Variants in THEMIS observed in about 807,000 individuals in gnomAD.
THEMIS encodes the protein thymocyte selection associated.
Under a neutral mutation model 52.6 loss-of-function variants are expected in THEMIS, and 37 were observed. The observed-to-expected ratio is 0.70, with a 90% CI of 0.54 to 0.93. THEMIS has a LOEUF of 0.93. Ranked by LOEUF, THEMIS falls within the 40% of genes least tolerant of loss-of-function variation. The pLI is 0.00. For missense variants in THEMIS, 808 were observed against 763.1 expected, an observed-to-expected ratio of 1.06 and a Z score of -0.69; for synonymous variants, 292 against 272.7, an observed-to-expected ratio of 1.07 and a Z score of -0.70.
chr6:127,732,495 A>G (rs1774847687), intron 4 of THEMIS, among the ~76,000 whole-genome samples: 1 of 152,232 alleles, frequency 6.6e-6, no homozygotes, highest in Non-Finnish European at 1.5e-5. Context: ...CATTACCCAG[A>G]TCTGGAAATA....
chr6:127,804,456 T>C (rs1156437349), intron 4 of THEMIS, among the ~76,000 whole-genome samples: 7 of 152,126 alleles, frequency 4.6e-5, no homozygotes, highest in Non-Finnish European at 1.0e-4. Flanking sequence ...TGGAGCAATG[T>C]GGAAGATTAA....
At chr6:127,875,791 T>G (rs1374373724) in intron 1 of THEMIS, among the ~76,000 whole-genome samples, 16 of 152,276 alleles carry the variant, frequency 1.1e-4, no homozygotes. Flanking sequence ...TTTCAGAGCT[T>G]TGGTAATTTG....
intron 1 of THEMIS, among the ~76,000 whole-genome samples, chr6:127,862,761 G>A (rs542353021): frequency 1.3e-5 from 2 of 151,894 alleles, no homozygotes; most frequent in Admixed American, 6.6e-5. Flanking sequence ...ATAACATACC[G>A]AGTAGTCTCC....
At chr6:127,799,169 A>G (rs1471980134) in intron 4 of THEMIS, among the ~76,000 whole-genome samples, 1 of 152,232 alleles carries the variant, frequency 6.6e-6, no homozygotes, top group Non-Finnish European at 1.5e-5. Flanking sequence ...TATTGAAAAG[A>G]AAGCCACAAC....
chr6:127,879,526 CTTTA>C (rs1780413091), intron 1 of THEMIS, among the ~76,000 whole-genome samples: 1 of 148,420 alleles, frequency 6.7e-6, no homozygotes, highest in African/African-American at 2.5e-5. Flanking sequence ...TTATTCTTCT[CTTTA>C]TTGATAATGG....
At chr6:127,851,875 A>C (rs1467807364) in intron 2 of THEMIS, among the ~76,000 whole-genome samples, 1 of 151,656 alleles carries the variant, frequency 6.6e-6, no homozygotes, top group African/African-American at 2.4e-5. Context: ...AACCTACCTT[A>C]AATGTGCTCA....
At chr6:127,808,259 T>A (rs76781569) in intron 4 of THEMIS, among the ~76,000 whole-genome samples, 3,286 of 152,288 alleles carry the variant, frequency 0.022, 136 homozygotes, top group African/African-American at 0.075. Flanking sequence ...AATACAGAAG[T>A]TGCATTTCTC....
chr6:127,877,836 A>G (rs1254499488), intron 1 of THEMIS, among the ~76,000 whole-genome samples: 3 of 152,222 alleles, frequency 2.0e-5, no homozygotes, highest in Middle Eastern at 3.2e-3. Context: ...GTGTGCCACA[A>G]TCCTTCAATT....
chr6:127,812,591 T>C (rs538296742), intron 4 of THEMIS, among the ~76,000 whole-genome samples: 4 of 152,208 alleles, frequency 2.6e-5, no homozygotes, highest in South Asian at 4.1e-4. Context: ...AGGCACTTTA[T>C]AAAATATTCT....
intron 1 of THEMIS, among the ~76,000 whole-genome samples, chr6:127,889,596 C>G (rs547700659): frequency 1.8e-4 from 28 of 152,034 alleles, no homozygotes; most frequent in South Asian, 1.2e-3. Flanking sequence ...CCACATAAAA[C>G]AAATAAGAAA....
intron 2 of THEMIS, among the ~76,000 whole-genome samples, chr6:127,830,728 A>G (rs1330902984): frequency 6.6e-6 from 1 of 152,098 alleles, no homozygotes; most frequent in African/African-American, 2.4e-5. Context: ...TAAAAGCTAT[A>G]TAGCTTGGAC....
At chr6:127,875,005 C>G (rs543418694) in intron 1 of THEMIS, among the ~76,000 whole-genome samples, 109 of 152,312 alleles carry the variant, frequency 7.2e-4, no homozygotes, top group African/African-American at 2.5e-3. Flanking sequence ...AGCAGAAACC[C>G]TATTGTGAAC....
chr6:127,806,634 T>C (rs1230530174), intron 4 of THEMIS, among the ~76,000 whole-genome samples: 1 of 152,206 alleles, frequency 6.6e-6, no homozygotes, highest in Admixed American at 6.5e-5. Flanking sequence ...TTCTTGAAAT[T>C]TCCCTAAAAT....
chr6:127,913,630 G>T (rs1164482559), intron 1 of THEMIS, among the ~76,000 whole-genome samples: 2 of 152,200 alleles, frequency 1.3e-5, no homozygotes, highest in Non-Finnish European at 2.9e-5. Flanking sequence ...ATGTTAGAGT[G>T]TTTGTCTCAC....
intron 1 of THEMIS, among the ~76,000 whole-genome samples, chr6:127,877,975 C>T (rs1267181835): frequency 6.6e-6 from 1 of 152,164 alleles, no homozygotes; most frequent in East Asian, 1.9e-4. Flanking sequence ...ATTTGAGATA[C>T]ACTAATCAGA....
At chr6:127,880,961 T>C (rs1297894877) in intron 1 of THEMIS, among the ~76,000 whole-genome samples, 1 of 152,266 alleles carries the variant, frequency 6.6e-6, no homozygotes, top group Admixed American at 6.5e-5. Context: ...AAAGACGCGA[T>C]GATTCCAAGT....
intron 1 of THEMIS, among the ~76,000 whole-genome samples, chr6:127,892,762 C>T (rs1037984161): frequency 1.3e-5 from 2 of 152,066 alleles, no homozygotes; most frequent in African/African-American, 4.8e-5. Flanking sequence ...AGTCTGTAAC[C>T]GTTTACACAT....
chr6:127,854,906 G>T, intron 2 of THEMIS, 124 bp downstream of exon 2: 1 of 781,684 alleles, frequency 1.3e-6, no homozygotes, highest in Non-Finnish European at 1.8e-6. Context: ...AACAATTCCG[G>T]ATTTTCCCCC....
At chr6:127,794,169 C>A (rs917584517) in intron 4 of THEMIS, among the ~76,000 whole-genome samples, 3 of 152,198 alleles carry the variant, frequency 2.0e-5, no homozygotes, top group African/African-American at 7.2e-5. Flanking sequence ...GTAGAATTAA[C>A]CATTTCTTAT....
Sources: allele counts gnomAD v4.1 joint callset (sites outside exome capture counted in the v4.1 genomes callset), GRCh38; gene constraint gnomAD v4.1.1; transcripts MANE v1.5; gene names NCBI Gene and HGNC (gene_info 2026-07-23, HGNC 2026-07-21).